ST6GALNAC5: variants seen among roughly 807,000 people sequenced by gnomAD.
The protein encoded by ST6GALNAC5 is alpha-N-acetylgalactosaminide alpha-2,6-sialyltransferase 5.
Under a neutral mutation model 33.6 loss-of-function variants are expected in ST6GALNAC5, and 27 were observed. That is an observed-to-expected ratio of 0.80 (90% CI 0.59 to 1.11). ST6GALNAC5 has a LOEUF of 1.11. ST6GALNAC5 is among the 50% of genes least tolerant of loss of function. ST6GALNAC5 has a pLI of 0.00. For missense variants in ST6GALNAC5, 428 were observed against 454.0 expected (o/e 0.94, Z 0.52); for synonymous variants, 194 against 171.2 (o/e 1.13, Z -1.04).
At chr1:76,896,340 G>A (rs1654135449) in intron 2 of ST6GALNAC5, among the ~76,000 whole-genome samples, 1 of 152,218 alleles carries the variant, frequency 6.6e-6, no homozygotes, top group African/African-American at 2.4e-5. Flanking sequence ...AGCTTGATGT[G>A]TAGGGAAGGG....
At chr1:77,028,376 A>C (rs1042063949) in intron 2 of ST6GALNAC5, among the ~76,000 whole-genome samples, 5 of 152,128 alleles carry the variant, frequency 3.3e-5, no homozygotes, top group African/African-American at 1.2e-4. Context: ...CCTCTTCAAA[A>C]CTTCAGGACA....
chr1:76,989,497 A>G (rs373739016), intron 2 of ST6GALNAC5, among the ~76,000 whole-genome samples: 2 of 151,360 alleles, frequency 1.3e-5, no homozygotes, highest in East Asian at 3.9e-4. Context: ...AATATTTTAC[A>G]GAAGGATATA....
intron 2 of ST6GALNAC5, among the ~76,000 whole-genome samples, chr1:76,998,877 C>T (rs535227247): frequency 4.6e-5 from 7 of 152,186 alleles, no homozygotes; most frequent in Non-Finnish European, 1.0e-4. Context: ...TTCCATCTTC[C>T]GTAAATAACA....
chr1:76,963,839 G>A (rs907602066), intron 2 of ST6GALNAC5, among the ~76,000 whole-genome samples: 13 of 152,084 alleles, frequency 8.5e-5, no homozygotes, highest in African/African-American at 3.1e-4. Flanking sequence ...CTTGAGATGG[G>A]GAGATAATCC....
chr1:76,935,721 T>A (rs1267319827), intron 2 of ST6GALNAC5, among the ~76,000 whole-genome samples: 1 of 152,038 alleles, frequency 6.6e-6, no homozygotes, highest in Non-Finnish European at 1.5e-5. Context: ...GCCCTAGCAT[T>A]TATAGAAAAA....
At chr1:76,964,478 T>A (rs1190831962) in intron 2 of ST6GALNAC5, among the ~76,000 whole-genome samples, 1 of 152,130 alleles carries the variant, frequency 6.6e-6, no homozygotes, top group Non-Finnish European at 1.5e-5. Flanking sequence ...GGCCCCGAAG[T>A]TCCCCCTCAG....
chr1:76,912,436 T>G (rs896441554), intron 2 of ST6GALNAC5, among the ~76,000 whole-genome samples: 2 of 152,144 alleles, frequency 1.3e-5, no homozygotes, highest in African/African-American at 2.4e-5. Context: ...AGATGTCTAT[T>G]AGGTCTGCTT....
chr1:76,904,012 A>G (rs1255503027), intron 2 of ST6GALNAC5, among the ~76,000 whole-genome samples: 2 of 152,162 alleles, frequency 1.3e-5, no homozygotes, highest in South Asian at 2.1e-4. Flanking sequence ...AAACCATCCA[A>G]TTCCGTGAAT....
intron 2 of ST6GALNAC5, among the ~76,000 whole-genome samples, chr1:76,977,982 A>G (rs1649081348): frequency 6.6e-6 from 1 of 152,100 alleles, no homozygotes; most frequent in Non-Finnish European, 1.5e-5. Context: ...TCTCTCCAGC[A>G]TTTGTTATTT....
At chr1:77,015,791 G>A (rs757279581) in intron 2 of ST6GALNAC5, among the ~76,000 whole-genome samples, 1 of 151,924 alleles carries the variant, frequency 6.6e-6, no homozygotes, top group Non-Finnish European at 1.5e-5. Flanking sequence ...TCAGGCAGAG[G>A]GAACAGCATA....
At position 76,910,880 on chromosome 1, in the gene ST6GALNAC5, C is replaced by CA. The variant is rs371393839; in HGVS notation, c.261+42149dup. ...GGTATATTTAAATAAGTGGTCAAGG[C>CA]AAAAAAAAAAAGAGCATAATTCAAG... On this transcript the variant is annotated intron_variant, in intron 2 of 4. Coordinates refer to ENST00000477717, the MANE Select transcript of ST6GALNAC5 (RefSeq NM_030965.3). Among the ~76,000 whole-genome samples the CA allele has an allele frequency of 4.9e-3, 660 of 135,366 alleles. 5 individuals are homozygous for CA. The highest frequency in any genetic ancestry group is 0.015 in the African/African-American group (559 of 37,050). The allele number at this position is 135,366 out of a possible 152,430, so 88.8% of individuals were successfully genotyped here. A position where few individuals can be genotyped will look rare whatever the true frequency, so the allele number is the denominator to read the frequency against.
At chr1:76,924,516 C>A (rs1275248538) in intron 2 of ST6GALNAC5, among the ~76,000 whole-genome samples, 1 of 152,146 alleles carries the variant, frequency 6.6e-6, no homozygotes, top group African/African-American at 2.4e-5. Flanking sequence ...ATATACTGTT[C>A]TTTCCCTAAA....
chr1:76,995,397 C>A (rs1649890453), intron 2 of ST6GALNAC5: 1 of 152,206 alleles, frequency 6.6e-6, no homozygotes, highest in African/African-American at 2.4e-5. Context: ...GACCGTGTCT[C>A]TTTAAATATT....
intron 2 of ST6GALNAC5, among the ~76,000 whole-genome samples, chr1:76,993,967 A>G (rs1398393823): frequency 6.6e-6 from 1 of 152,210 alleles, no homozygotes; most frequent in African/African-American, 2.4e-5. Flanking sequence ...TTCACCTAAT[A>G]TTAGAGGGGA....
At chr1:76,964,980 G>A (rs1188813383) in intron 2 of ST6GALNAC5, among the ~76,000 whole-genome samples, 1 of 152,092 alleles carries the variant, frequency 6.6e-6, no homozygotes, top group Non-Finnish European at 1.5e-5. Context: ...GTGTATATGT[G>A]CCACATTTTC....
chr1:76,921,964 T>C (rs1647038644), intron 2 of ST6GALNAC5, among the ~76,000 whole-genome samples: 1 of 152,200 alleles, frequency 6.6e-6, no homozygotes, highest in Non-Finnish European at 1.5e-5. Context: ...AAAGGACGTT[T>C]GGCATCATTC....
Position 77,027,334 on chromosome 1 carries a change from A to G in ST6GALNAC5, c.262-16870A>G, listed in dbSNP as rs554886933. 6.6e-5 allele frequency among the ~76,000 whole-genome samples: 10 copies of G among 152,338 alleles called. 1 individual carries two copies. In the East Asian group the frequency reaches 9.6e-4, roughly 15 times the overall value. Reference sequence around the variant, plus strand: ...GGGCAGGGGTGAAGTATACTTTCCCATTGGCCTCTTCCAATTGCTGGAAGT... The same window carrying G: ...GGGCAGGGGTGAAGTATACTTTCCCGTTGGCCTCTTCCAATTGCTGGAAGT... On this transcript the variant is annotated intron_variant, in intron 2 of 4. Coordinates refer to ENST00000477717, the MANE Select transcript of ST6GALNAC5 (RefSeq NM_030965.3).
At chr1:77,048,845 C>G (rs1464345877) in intron 3 of ST6GALNAC5, among the ~76,000 whole-genome samples, 1 of 152,170 alleles carries the variant, frequency 6.6e-6, no homozygotes, top group Non-Finnish European at 1.5e-5. Flanking sequence ...ACAGAGATTC[C>G]TATGCCTCCT....
At chr1:76,991,626 T>C (rs1276215050) in intron 2 of ST6GALNAC5, among the ~76,000 whole-genome samples, 1 of 152,184 alleles carries the variant, frequency 6.6e-6, no homozygotes, top group African/African-American at 2.4e-5. Context: ...CAGGTAACTT[T>C]TTCTATTCTT....
Sources: allele counts gnomAD v4.1 joint callset (sites outside exome capture counted in the v4.1 genomes callset), GRCh38; gene constraint gnomAD v4.1.1; transcripts MANE v1.5; gene names NCBI Gene and HGNC (gene_info 2026-07-23, HGNC 2026-07-21).